TTC9: variants seen among roughly 807,000 people sequenced by gnomAD.
The protein encoded by TTC9 is tetratricopeptide repeat domain 9.
TTC9 carries 13 observed loss-of-function variants against 22.9 expected under a neutral mutation model. The ratio of observed to expected loss-of-function variants is 0.57; its 90% CI spans 0.37 to 0.90. The LOEUF is 0.90. Among genes scored for constraint, TTC9 ranks in the 40% least tolerant of loss-of-function variants. The pLI is 0.01. For synonymous variants in TTC9, 148 were observed against 133.2 expected, an observed-to-expected ratio of 1.11 and a Z score of -0.77; for missense variants, 280 against 291.8, an observed-to-expected ratio of 0.96 and a Z score of 0.29.
chr14:70,649,062 A>C (rs1305212603), intron 1 of TTC9, among the ~76,000 whole-genome samples: 1 of 152,196 alleles, frequency 6.6e-6, no homozygotes, highest in Non-Finnish European at 1.5e-5. Context: ...CAAACCCTAT[A>C]TAGGTACATG....
chr14:70,653,051 C>A (rs1886009049), intron 1 of TTC9, among the ~76,000 whole-genome samples: 1 of 152,188 alleles, frequency 6.6e-6, no homozygotes, highest in Non-Finnish European at 1.5e-5. Context: ...TGGACAGGAC[C>A]CAACCACTGT....
chr14:70,667,803 C>T (rs1886235888), intron 2 of TTC9, 57 bp downstream of exon 2: 16 of 1,505,044 alleles, frequency 1.1e-5, no homozygotes, highest in Non-Finnish European at 1.4e-5. Flanking sequence ...CTCCTGGGAC[C>T]TTCTCATTTC....
chr14:70,651,613 C>A (rs1015905727), intron 1 of TTC9, among the ~76,000 whole-genome samples: 1 of 152,170 alleles, frequency 6.6e-6, no homozygotes, highest in Non-Finnish European at 1.5e-5. Context: ...GGGCTAGATC[C>A]TGGCAGCATG....
chr14:70,649,180 C>T (rs1048207760), intron 1 of TTC9, among the ~76,000 whole-genome samples: 4 of 152,128 alleles, frequency 2.6e-5, no homozygotes, highest in African/African-American at 9.7e-5. Flanking sequence ...ACCACCACCA[C>T]CAAAACAACT....
At chr14:70,670,940 A>AGT (rs1886285102) in intron 2 of TTC9, 136 bp from the exon 3 acceptor site, 5 of 704,408 alleles carry the variant, frequency 7.1e-6, no homozygotes, top group African/African-American at 1.8e-5. Context: ...CTCAGCCACC[A>AGT]TGGATAGGCA....
chr14:70,669,790 C>G (rs1179004776), intron 2 of TTC9, among the ~76,000 whole-genome samples: 1 of 152,148 alleles, frequency 6.6e-6, no homozygotes, highest in Non-Finnish European at 1.5e-5. Context: ...TTCTGGAGCA[C>G]TGCTATCTGC....
chr14:70,657,475 GTGTT>G (rs1886084128), intron 1 of TTC9, among the ~76,000 whole-genome samples: 1 of 152,200 alleles, frequency 6.6e-6, no homozygotes, highest in South Asian at 2.1e-4. Flanking sequence ...ACACTTGACA[GTGTT>G]TGTTTGAATC....
Position 70,672,693 on chromosome 14 carries a change from A to G in TTC9, c.*1538A>G, listed in dbSNP as rs988047568. 2 of 152,250 alleles carry G rather than the reference A, an allele frequency of 1.3e-5. No homozygotes were observed. Among genetic ancestry groups the G allele is most frequent in the African/African-American group, 4.8e-5 (2 of 41,470 alleles). 9.4% of individuals were successfully genotyped at this position (152,250 alleles called of 1,614,324 possible). On this transcript the variant is annotated 3_prime_UTR_variant, in exon 3 of 3. Transcript: ENST00000256367. ...TAATGTGAATAGTTAGGATTTATTA[A>G]ATGCATTATCTTCAGATCTTTACAT...
At chr14:70,647,464 A>G (rs1484414295) in intron 1 of TTC9, among the ~76,000 whole-genome samples, 1 of 152,202 alleles carries the variant, frequency 6.6e-6, no homozygotes, top group Non-Finnish European at 1.5e-5. Flanking sequence ...AGGAAAGGAT[A>G]TGATAGGGTT....
intron 1 of TTC9, among the ~76,000 whole-genome samples, chr14:70,660,302 T>C (rs531888780): frequency 6.6e-6 from 1 of 152,380 alleles, no homozygotes; most frequent in South Asian, 2.1e-4. Context: ...ATCTGATACC[T>C]GTCTGCCCTT....
chr14:70,648,357 A>G (rs1490306698), intron 1 of TTC9, among the ~76,000 whole-genome samples: 4 of 152,234 alleles, frequency 2.6e-5, no homozygotes, highest in Non-Finnish European at 4.4e-5. Context: ...ACAAATTTAG[A>G]CACTGGGCTG....
chr14:70,659,119 AAC>A (rs201172906), intron 1 of TTC9, among the ~76,000 whole-genome samples: 10,005 of 134,284 alleles, frequency 0.075, 486 homozygotes, highest in East Asian at 0.23. Flanking sequence ...TATATAACTA[AAC>A]ACACACACAC....
Position 70,668,904 on chromosome 14 carries a change from C to A in TTC9, c.589+1158C>A, listed in dbSNP as rs577784212. On this transcript the variant is annotated intron_variant, in intron 2 of 2. Coordinates refer to ENST00000256367, the MANE Select transcript of TTC9 (RefSeq NM_015351.2). ...GGGCGCGGTGGCTCATGCCTGTAAT[C>A]CCAGCACTTTGGGAGGCCGAGGTGG... Among the ~76,000 whole-genome samples the A allele has an allele frequency of 4.7e-5, 7 of 148,232 alleles. 1 individual carries two copies. In the South Asian group the frequency reaches 1.5e-3, roughly 32 times the overall value.
chr14:70,667,543 T>C, intron 1 of TTC9, 21 bp from the exon 2 acceptor site: 2 of 1,613,482 alleles, frequency 1.2e-6, no homozygotes, highest in Non-Finnish European at 1.7e-6. Context: ...CTGATGGCAT[T>C]TTCCCTCCCT....
intron 1 of TTC9, among the ~76,000 whole-genome samples, chr14:70,665,166 GTC>G (rs1224161701): frequency 4.6e-5 from 7 of 152,118 alleles, no homozygotes; most frequent in African/African-American, 1.7e-4. Flanking sequence ...AAACAGAAGT[GTC>G]TGTTCAAAGA....
intron 1 of TTC9, among the ~76,000 whole-genome samples, chr14:70,646,833 T>C (rs1384806223): frequency 6.6e-6 from 1 of 152,190 alleles, no homozygotes; most frequent in Non-Finnish European, 1.5e-5. Flanking sequence ...CCTGGGATGG[T>C]GCTGGTTTGA....
chr14:70,665,367 C>T (rs1361872436), intron 1 of TTC9, among the ~76,000 whole-genome samples: 2 of 152,158 alleles, frequency 1.3e-5, no homozygotes, highest in African/African-American at 4.8e-5. Flanking sequence ...TCTCTCTGTA[C>T]AGCTGTATAA....
chr14:70,657,296 C>G (rs547102939), intron 1 of TTC9, among the ~76,000 whole-genome samples: 1 of 152,306 alleles, frequency 6.6e-6, no homozygotes, highest in Admixed American at 6.5e-5. Context: ...CTAAGAGTGC[C>G]TACCCGAAAT....
chr14:70,661,329 T>G (rs1031725093), intron 1 of TTC9, among the ~76,000 whole-genome samples: 1 of 152,206 alleles, frequency 6.6e-6, no homozygotes, highest in African/African-American at 2.4e-5. Flanking sequence ...TAAAGTGACA[T>G]TCTTAGGTAC....
Sources: allele counts gnomAD v4.1 joint callset (sites outside exome capture counted in the v4.1 genomes callset), GRCh38; gene constraint gnomAD v4.1.1; transcripts MANE v1.5; gene names NCBI Gene and HGNC (gene_info 2026-07-23, HGNC 2026-07-21).